The following PTPRD variants were observed in gnomAD, a reference collection of about 807,000 sequenced individuals.
The protein encoded by PTPRD is receptor-type tyrosine-protein phosphatase delta.
PTPRD carries 34 observed loss-of-function variants against 214.5 expected under a neutral mutation model. The observed-to-expected ratio is 0.16, with a 90% CI of 0.12 to 0.21. The LOEUF is 0.21. PTPRD is among the 10% of genes least tolerant of loss of function. The pLI is 1.00. For synonymous variants in PTPRD, 1,128 were observed against 845.7 expected (o/e 1.33, Z -5.79); for missense variants, 2,545 against 2,398.7 (o/e 1.06, Z -1.27).
intron 11 of PTPRD, among the ~76,000 whole-genome samples, chr9:8,815,249 C>G (rs2096897532): frequency 6.6e-6 from 1 of 152,120 alleles, no homozygotes; most frequent in Middle Eastern, 3.4e-3. Context: ...TCAAATCATG[C>G]CTCTGCTGCT....
At chr9:9,030,879 G>C (rs1255181457) in intron 10 of PTPRD, among the ~76,000 whole-genome samples, 1 of 151,812 alleles carries the variant, frequency 6.6e-6, no homozygotes, top group Non-Finnish European at 1.5e-5. Flanking sequence ...TAAGATCCTT[G>C]AGGACCTTAG....
At chr9:9,199,107 T>C (rs2099940377) in intron 9 of PTPRD, among the ~76,000 whole-genome samples, 1 of 152,150 alleles carries the variant, frequency 6.6e-6, no homozygotes, top group Non-Finnish European at 1.5e-5. Context: ...GCTTCTCTGA[T>C]GATGAGTGCA....
chr9:8,793,429 C>T (rs1268547343), intron 11 of PTPRD, among the ~76,000 whole-genome samples: 1 of 152,170 alleles, frequency 6.6e-6, no homozygotes, highest in Non-Finnish European at 1.5e-5. Context: ...TGACTGCAGC[C>T]CCATCTAACA....
chr9:8,484,529 G>C, intron 29 of PTPRD, 151 bp from the exon 30 acceptor site: 2 of 756,668 alleles, frequency 2.6e-6, no homozygotes, highest in East Asian at 5.5e-5. Context: ...CATAATTCTG[G>C]AGATCACATC....
chr9:9,360,601 T>C (rs536044190), intron 9 of PTPRD, among the ~76,000 whole-genome samples: 1 of 151,070 alleles, frequency 6.6e-6, no homozygotes, highest in Non-Finnish European at 1.5e-5. Flanking sequence ...AGATGTGAAT[T>C]AAGTATAAAG....
At chr9:8,756,196 C>T (rs1245589977) in intron 11 of PTPRD, among the ~76,000 whole-genome samples, 1 of 152,104 alleles carries the variant, frequency 6.6e-6, no homozygotes, top group East Asian at 1.9e-4. Flanking sequence ...TTCTTATATG[C>T]CTTGGCCAAA....
chr9:10,547,656 A>T (rs2130928497), intron 2 of PTPRD, among the ~76,000 whole-genome samples: 1 of 152,070 alleles, frequency 6.6e-6, no homozygotes, highest in South Asian at 2.1e-4. Flanking sequence ...CCATCAAGAC[A>T]TTCATCACAT....
intron 14 of PTPRD, among the ~76,000 whole-genome samples, chr9:8,557,342 C>T (rs934935858): frequency 3.3e-5 from 5 of 151,596 alleles, no homozygotes; most frequent in Non-Finnish European, 1.5e-5. Flanking sequence ...ATGTCATGCT[C>T]TGTTATTGGA....
chr9:8,554,713 T>TAAAATAAA (rs1473610563), intron 14 of PTPRD, among the ~76,000 whole-genome samples: 4 of 152,192 alleles, frequency 2.6e-5, no homozygotes, highest in Non-Finnish European at 4.4e-5. Flanking sequence ...GGATAAGAAT[T>TAAAATAAA]CATTCACTGT....
chr9:8,500,558 G>GGAAAAA lies in PTPRD; in HGVS notation c.2128+195_2128+196insTTTTTC, dbSNP rs2097373754. Among the ~76,000 whole-genome samples, 53 of 14,320 alleles carry GGAAAAA rather than the reference G, an allele frequency of 3.7e-3. 1 individual carries two copies. Among genetic ancestry groups the GGAAAAA allele is most frequent in the East Asian group, 7.6e-3 (5 of 654 alleles). The allele number at this position is 14,320 out of a possible 152,430, so 9.4% of individuals were successfully genotyped here. A position where few individuals can be genotyped will look rare whatever the true frequency, so the allele number is the denominator to read the frequency against. ...TTACTGCATTGAGATTGAAAAAAAT[G>GGAAAAA]AAAAAAAAAAAAAAAAAAAAAAAAA... is the stretch of plus-strand genomic sequence containing the variant. On this transcript the variant is annotated intron_variant, in intron 24 of 45. Coordinates refer to ENST00000381196, the MANE Select transcript of PTPRD (RefSeq NM_002839.4).
chr9:9,698,478 G>A (rs1374680634), intron 7 of PTPRD, among the ~76,000 whole-genome samples: 1 of 152,078 alleles, frequency 6.6e-6, no homozygotes, highest in East Asian at 1.9e-4. Context: ...ACTGGGTAGG[G>A]GTTTATTCCC....
intron 9 of PTPRD, among the ~76,000 whole-genome samples, chr9:9,247,934 C>A (rs971490840): frequency 5.3e-5 from 8 of 152,098 alleles, no homozygotes; most frequent in Admixed American, 6.6e-5. Context: ...TACAGTTATT[C>A]AAATTATCTA....
intron 4 of PTPRD, among the ~76,000 whole-genome samples, chr9:9,981,030 T>C (rs1460185602): frequency 6.6e-6 from 1 of 151,360 alleles, no homozygotes; most frequent in Non-Finnish European, 1.5e-5. Flanking sequence ...AGGATTTCCA[T>C]TCCAAGATCT....
chr9:8,775,208 T>G (rs984310924), intron 11 of PTPRD, among the ~76,000 whole-genome samples: 1 of 152,148 alleles, frequency 6.6e-6, no homozygotes, highest in Non-Finnish European at 1.5e-5. Flanking sequence ...TGAGGCATAA[T>G]TTTTAAAAAC....
At chr9:9,260,679 A>G (rs1460703603) in intron 9 of PTPRD, among the ~76,000 whole-genome samples, 2 of 151,898 alleles carry the variant, frequency 1.3e-5, no homozygotes, top group Non-Finnish European at 2.9e-5. Context: ...TTATGGTTAC[A>G]AAAGATGATA....
chr9:9,808,303 T>C (rs929471379), intron 5 of PTPRD, among the ~76,000 whole-genome samples: 9 of 152,308 alleles, frequency 5.9e-5, no homozygotes, highest in Admixed American at 5.9e-4. Context: ...AAGAACTTTT[T>C]AATCTCTTGT....
intron 2 of PTPRD, among the ~76,000 whole-genome samples, chr9:10,555,091 C>G (rs534762940): frequency 6.6e-6 from 1 of 152,122 alleles, no homozygotes. Context: ...CAGCTAGAGT[C>G]TTTGTAAAAG....
chr9:9,774,569 AC>A (rs2098781268), intron 5 of PTPRD, among the ~76,000 whole-genome samples: 1 of 152,186 alleles, frequency 6.6e-6, no homozygotes, highest in Non-Finnish European at 1.5e-5. Flanking sequence ...AGCTAAGGCC[AC>A]CAGCCTAAAT....
chr9:9,439,369 C>G (rs1358596724), intron 8 of PTPRD, among the ~76,000 whole-genome samples: 2 of 152,102 alleles, frequency 1.3e-5, no homozygotes, highest in Non-Finnish European at 2.9e-5. Flanking sequence ...CCCAAAGAAA[C>G]TGAGGATCAG....
Sources: gnomAD v4.1 joint callset for allele counts (sites outside exome capture counted in the v4.1 genomes callset) on GRCh38, gnomAD v4.1.1 for gene constraint, MANE v1.5 for transcripts, NCBI Gene and HGNC (gene_info 2026-07-23, HGNC 2026-07-21) for gene names.